Variants in FHIT observed in about 807,000 individuals in gnomAD.
The protein encoded by FHIT is bis(5'-adenosyl)-triphosphatase.
A neutral mutation model predicts 17.9 loss-of-function variants in FHIT; 19 were observed. The observed-to-expected ratio is 1.06, with a 90% CI of 0.74 to 1.56. The LOEUF (loss-of-function observed/expected upper bound fraction) is 1.56. FHIT is among the 40% of genes most tolerant of loss of function. The pLI, the probability that FHIT is intolerant of heterozygous loss-of-function variation, is 0.00. For synonymous variants in FHIT, 81 were observed against 69.7 expected (o/e 1.16, Z -0.81); for missense variants, 248 against 189.2 (o/e 1.31, Z -1.82).
At chr3:60,385,035 G>A (rs531834679) in intron 5 of FHIT, among the ~76,000 whole-genome samples, 20 of 152,190 alleles carry the variant, frequency 1.3e-4, no homozygotes, top group African/African-American at 3.9e-4. Flanking sequence ...GAAGAGATAC[G>A]TTGCTAACAC....
At chr3:59,839,233 G>A (rs967871373) in intron 8 of FHIT, among the ~76,000 whole-genome samples, 6 of 151,254 alleles carry the variant, frequency 4.0e-5, no homozygotes, top group East Asian at 1.9e-4. Flanking sequence ...CAGGAAAATC[G>A]CTTGAACCCG....
At chr3:60,148,004 T>C (rs1348228315) in intron 5 of FHIT, among the ~76,000 whole-genome samples, 3 of 152,146 alleles carry the variant, frequency 2.0e-5, no homozygotes, top group South Asian at 4.1e-4. Flanking sequence ...AGGGGTTTAA[T>C]AGTAAATTAT....
chr3:60,112,147 G>C (rs34476489), intron 5 of FHIT, among the ~76,000 whole-genome samples: 66,524 of 151,994 alleles, frequency 0.44, 15,033 homozygotes, highest in Non-Finnish European at 0.5. Context: ...ACCCATTCTA[G>C]ATATTTTAAG....
chr3:60,714,015 A>T (rs1487474173), intron 4 of FHIT, among the ~76,000 whole-genome samples: 1 of 152,160 alleles, frequency 6.6e-6, no homozygotes, highest in Non-Finnish European at 1.5e-5. Flanking sequence ...CTTGATGAAC[A>T]TTGATGCAAA....
intron 2 of FHIT, among the ~76,000 whole-genome samples, chr3:61,162,975 G>A (rs1453263463): frequency 1.3e-5 from 2 of 152,132 alleles, no homozygotes; most frequent in Non-Finnish European, 2.9e-5. Flanking sequence ...TTTTATATCA[G>A]TATGAGAGTC....
At chr3:60,234,910 C>A (rs566701011) in intron 5 of FHIT, among the ~76,000 whole-genome samples, 1 of 152,132 alleles carries the variant, frequency 6.6e-6, no homozygotes, top group Non-Finnish European at 1.5e-5. Flanking sequence ...TTTAGTATCA[C>A]ATTCGAGGAT....
chr3:60,034,014 A>C lies in FHIT; in HGVS notation c.104-19862T>G, dbSNP rs577488902. ...GAGGGAGTAGCCAACAGCATATTCA[A>C]GATAACAATAACAGCAGTGACTTAC... On this transcript the variant is annotated intron_variant, in intron 5 of 9. Transcript: ENST00000492590. Among the ~76,000 whole-genome samples, 20 of 152,348 alleles carry C rather than the reference A, an allele frequency of 1.3e-4. No individual in the cohort carries two copies. The South Asian group carries it at 3.7e-3, about 28-fold the overall frequency.
chr3:60,201,009 A>C (rs566346667), intron 5 of FHIT, among the ~76,000 whole-genome samples: 2 of 152,144 alleles, frequency 1.3e-5, no homozygotes, highest in Non-Finnish European at 2.9e-5. Flanking sequence ...AGAACTTACT[A>C]AAGTTCAGCT....
rs543881957 is a variant in FHIT at position 60,017,748 on chromosome 3, G to C, written c.104-3596C>G. Among the ~76,000 whole-genome samples the C allele has an allele frequency of 7.9e-5, 12 of 152,264 alleles. No homozygotes were observed. The East Asian group carries it at 1.2e-3, about 15-fold the overall frequency. On this transcript the variant is annotated intron_variant, in intron 5 of 9. Transcript: ENST00000492590. ...TAGGTGTTTTTGCTGCATTAAAGTG[G>C]TGTGACCACATGCCAAGCCCTATGC...
chr3:59,774,286 G>A (rs182867397), intron 8 of FHIT, among the ~76,000 whole-genome samples: 3 of 152,294 alleles, frequency 2.0e-5, no homozygotes, highest in Non-Finnish European at 2.9e-5. Context: ...AAGGATTTGC[G>A]ACAGAAACTG....
chr3:61,084,067 T>A (rs1051452281), intron 2 of FHIT, among the ~76,000 whole-genome samples: 2 of 152,222 alleles, frequency 1.3e-5, no homozygotes, highest in Admixed American at 6.5e-5. Flanking sequence ...GCTCTCACAC[T>A]CAGATCAGCA....
chr3:60,774,048 G>A lies in FHIT; in HGVS notation c.-18+47871C>T, dbSNP rs75978791. ...TGATGGATGAGCTTAAGGAAGATAC[G>A]AAAATGGCAAAATTATCTTCATGAT... On this transcript the variant is annotated intron_variant, in intron 4 of 9. Coordinates refer to ENST00000492590, the MANE Select transcript of FHIT (RefSeq NM_002012.4). 4.2e-3 allele frequency among the ~76,000 whole-genome samples: 644 copies of A among 152,248 alleles called. 17 individuals carry two copies. In the East Asian group the frequency reaches 0.061, roughly 14 times the overall value.
At chr3:60,772,303 T>A (rs2108076500) in intron 4 of FHIT, among the ~76,000 whole-genome samples, 1 of 137,278 alleles carries the variant, frequency 7.3e-6, no homozygotes, top group Non-Finnish European at 1.6e-5. Context: ...AGTAGATTGT[T>A]CACTTCTCAT....
intron 8 of FHIT, among the ~76,000 whole-genome samples, chr3:59,848,532 AAT>A (rs1239818116): frequency 2.0e-5 from 3 of 152,242 alleles, no homozygotes; most frequent in Non-Finnish European, 2.9e-5. Flanking sequence ...CTTCTAAAAT[AAT>A]AGAGATCTTA....
chr3:60,933,213 T>G (rs1708047751), intron 3 of FHIT, among the ~76,000 whole-genome samples: 1 of 152,184 alleles, frequency 6.6e-6, no homozygotes. Flanking sequence ...TGTAAAAATT[T>G]TGTATACATG....
chr3:59,882,445 A>G (rs1189816646), intron 8 of FHIT, among the ~76,000 whole-genome samples: 1 of 150,750 alleles, frequency 6.6e-6, no homozygotes. Flanking sequence ...ACTAACAAGC[A>G]GAGCAGACTG....
At chr3:59,955,040 A>C (rs1418449092) in intron 7 of FHIT, among the ~76,000 whole-genome samples, 1 of 152,234 alleles carries the variant, frequency 6.6e-6, no homozygotes, top group Non-Finnish European at 1.5e-5. Context: ...GAGCTGATCC[A>C]CTTACAACTG....
At chr3:61,118,286 C>T (rs2036359377) in intron 2 of FHIT, among the ~76,000 whole-genome samples, 1 of 152,158 alleles carries the variant, frequency 6.6e-6, no homozygotes, top group African/African-American at 2.4e-5. Flanking sequence ...TGTTCATTTT[C>T]CCCTGGTTAT....
intron 8 of FHIT, among the ~76,000 whole-genome samples, chr3:59,767,970 G>A (rs529860824): frequency 6.6e-6 from 1 of 152,280 alleles, no homozygotes; most frequent in Admixed American, 6.5e-5. Flanking sequence ...ATGAACTCTA[G>A]GGTAGGTAGA....
Sources: gnomAD v4.1 joint callset for allele counts (sites outside exome capture counted in the v4.1 genomes callset) on GRCh38, gnomAD v4.1.1 for gene constraint, MANE v1.5 for transcripts, NCBI Gene and HGNC (gene_info 2026-07-23, HGNC 2026-07-21) for gene names.